Variants in IL1RAP observed in about 807,000 individuals in gnomAD.
IL1RAP encodes interleukin-1 receptor accessory protein.
Under a neutral mutation model 60.7 loss-of-function variants are expected in IL1RAP, and 35 were observed. The ratio of observed to expected loss-of-function variants is 0.58; its 90% CI spans 0.44 to 0.76. The LOEUF (loss-of-function observed/expected upper bound fraction) is 0.76, where lower values mean the gene tolerates loss of function less well. Among genes scored for constraint, IL1RAP ranks in the 30% least tolerant of loss-of-function variants. The probability of loss-of-function intolerance (pLI) is 0.00; values close to 1 mark genes in which losing one functional copy is unlikely to be tolerated. For synonymous variants in IL1RAP, 268 were observed against 250.9 expected, an observed-to-expected ratio of 1.07 and a Z score of -0.64; for missense variants, 572 against 693.9, an observed-to-expected ratio of 0.82 and a Z score of 1.97.
At chr3:190,617,710 CA>C (rs1164024957) in intron 5 of IL1RAP, among the ~76,000 whole-genome samples, 1 of 151,974 alleles carries the variant, frequency 6.6e-6, no homozygotes, top group Non-Finnish European at 1.5e-5. Flanking sequence ...TTATTTTTAT[CA>C]ACAGTTTATT....
intron 2 of IL1RAP, among the ~76,000 whole-genome samples, chr3:190,561,640 A>G (rs1472754667): frequency 2.0e-5 from 3 of 152,194 alleles, no homozygotes; most frequent in Non-Finnish European, 4.4e-5. Context: ...GCTGACAGCA[A>G]TTTGGGAGGG....
chr3:190,623,119 G>T (rs1436463597), intron 6 of IL1RAP, among the ~76,000 whole-genome samples: 2 of 152,218 alleles, frequency 1.3e-5, no homozygotes, highest in African/African-American at 4.8e-5. Context: ...AGGAGCCCAT[G>T]TCAGGAACTG....
At chr3:190,539,243 T>C (rs1169318984) in intron 1 of IL1RAP, among the ~76,000 whole-genome samples, 1 of 152,148 alleles carries the variant, frequency 6.6e-6, no homozygotes, top group Non-Finnish European at 1.5e-5. Context: ...TCTGTGATGA[T>C]TGTATATTTG....
rs1220361492 is a variant in IL1RAP, at chr3:190,572,956, C to T, written c.64+8603C>T. Among the ~76,000 whole-genome samples, 9 of 58,682 alleles carry T rather than the reference C, an allele frequency of 1.5e-4. No homozygotes were observed. In the East Asian group the frequency reaches 2.0e-3, roughly 13 times the overall value. The allele number at this position is 58,682 out of a possible 152,430, so 38.5% of individuals were successfully genotyped here. A position where few individuals can be genotyped will look rare whatever the true frequency, so the allele number is the denominator to read the frequency against. On this transcript the variant is annotated intron_variant, in intron 3 of 11. Transcript: ENST00000447382. ...TCGGCTCACTGCAAGCTCCGCCTCC[C>T]GGGTTCACGCCATTCTCCTGCCTCA...
Position 190,648,640 on chromosome 3 carries a change from A to C in IL1RAP, c.1648A>C (p.Lys550Gln). ...KQLQVAMPVK[K>Q]SPRRSSSDEQ... ...GCTGCAGGTGGCCATGCCAGTGAAG[A>C]AAAGTCCCAGGCGGTCTAGCAGTGA... The change falls in exon 12 of 12, where the codon AAA becomes CAA. Residue 550 changes from lysine to glutamine, a missense_variant. Coordinates refer to ENST00000447382, the MANE Select transcript of IL1RAP (RefSeq NM_002182.4). 1 of 1,614,182 alleles carries C rather than the reference A, an allele frequency of 6.2e-7. No homozygotes were observed. The highest frequency in any genetic ancestry group is 1.1e-5 in the South Asian group (1 of 91,076).
At chr3:190,644,168 T>C (rs1733846985) in intron 9 of IL1RAP, 80 bp from the exon 10 acceptor site, 5 of 1,524,774 alleles carry the variant, frequency 3.3e-6, no homozygotes, top group Non-Finnish European at 4.4e-6. Flanking sequence ...CTGCTTGGCT[T>C]ATCCAGCTAT....
intron 3 of IL1RAP, among the ~76,000 whole-genome samples, chr3:190,594,849 G>A (rs1729247565): frequency 6.6e-6 from 1 of 152,164 alleles, no homozygotes; most frequent in African/African-American, 2.4e-5. Context: ...TATGTGTGGT[G>A]CTGTTTTATG....
intron 3 of IL1RAP, among the ~76,000 whole-genome samples, chr3:190,589,485 T>C (rs1409563833): frequency 6.6e-6 from 1 of 152,152 alleles, no homozygotes; most frequent in African/African-American, 2.4e-5. Context: ...TGCACCGGCG[T>C]TTCGCAGGTG....
intron 1 of IL1RAP, among the ~76,000 whole-genome samples, chr3:190,554,059 T>TCAAA (rs1725164542): frequency 4.4e-5 from 1 of 22,660 alleles, no homozygotes; most frequent in Non-Finnish European, 7.7e-5. Flanking sequence ...AGACTCCGTC[T>TCAAA]CAAAAAAAAA....
intron 9 of IL1RAP, among the ~76,000 whole-genome samples, chr3:190,637,876 T>C (rs986862624): frequency 6.6e-6 from 1 of 152,060 alleles, no homozygotes; most frequent in Admixed American, 6.5e-5. Flanking sequence ...TGTGGACCCA[T>C]ACAGAATGCG....
intron 9 of IL1RAP, among the ~76,000 whole-genome samples, chr3:190,637,552 A>G (rs957433634): frequency 6.6e-6 from 1 of 152,136 alleles, no homozygotes; most frequent in African/African-American, 2.4e-5. Flanking sequence ...GACATCAGTA[A>G]ACATTTAAGC....
chr3:190,626,521 C>T (rs1732278713), intron 7 of IL1RAP, among the ~76,000 whole-genome samples: 1 of 152,072 alleles, frequency 6.6e-6, no homozygotes, highest in Non-Finnish European at 1.5e-5. Flanking sequence ...AGCCAGATCT[C>T]TCTGTGATGG....
chr3:190,604,744 C>T (rs1730153126), intron 4 of IL1RAP, among the ~76,000 whole-genome samples: 1 of 152,094 alleles, frequency 6.6e-6, no homozygotes, highest in Non-Finnish European at 1.5e-5. Context: ...TTTCTCCAGA[C>T]ATTGAACAGG....
intron 3 of IL1RAP, among the ~76,000 whole-genome samples, chr3:190,596,714 A>G (rs1267038725): frequency 6.6e-6 from 1 of 152,214 alleles, no homozygotes. Context: ...GGGACATTAT[A>G]AACAAAAAAG....
At chr3:190,615,830 G>C (rs1423217549) in intron 5 of IL1RAP, among the ~76,000 whole-genome samples, 1 of 152,094 alleles carries the variant, frequency 6.6e-6, no homozygotes, top group Non-Finnish European at 1.5e-5. Context: ...GCCTGGCTTG[G>C]CCTTCTTGTT....
chr3:190,658,799 C>T lies in IL1RAP; in HGVS notation c.*2192C>T, dbSNP rs933715119. ...TCGAAACAAACAAACAAACAAAAAA[C>T]TAGAAGATTCCTACTCCAAAGATGG... On this transcript the variant is annotated 3_prime_UTR_variant, in exon 12 of 12. Transcript: ENST00000317757. The T allele has an allele frequency of 2.0e-5, 3 of 152,260 alleles. No individual in the cohort carries two copies. The East Asian group carries it at 5.8e-4, about 29-fold the overall frequency. The allele number at this position is 152,260 out of a possible 1,614,324, so 9.4% of individuals were successfully genotyped here. A position where few individuals can be genotyped will look rare whatever the true frequency, so the allele number is the denominator to read the frequency against.
chr3:190,602,171 TA>T (rs1457664774), intron 3 of IL1RAP, among the ~76,000 whole-genome samples: 1 of 152,174 alleles, frequency 6.6e-6, no homozygotes, highest in Non-Finnish European at 1.5e-5. Context: ...TGTTTGATGA[TA>T]AAAATATAAA....
At chr3:190,658,530 A>G (rs1734686175) in exon 12 of IL1RAP, 1 of 152,230 alleles carries the variant, frequency 6.6e-6, no homozygotes, top group Non-Finnish European at 1.5e-5. Context: ...TTGCCTGCTT[A>G]CTGTCAGAAA....
intron 4 of IL1RAP, among the ~76,000 whole-genome samples, chr3:190,606,431 T>C (rs1327418793): frequency 1.3e-5 from 2 of 152,252 alleles, no homozygotes; most frequent in African/African-American, 4.8e-5. Flanking sequence ...TTTTCTTTGA[T>C]AACTGTTCAT....
Sources: allele counts gnomAD v4.1 joint callset (sites outside exome capture counted in the v4.1 genomes callset), GRCh38; gene constraint gnomAD v4.1.1; transcripts MANE v1.5; gene names NCBI Gene and HGNC (gene_info 2026-07-23, HGNC 2026-07-21).